The following NEK10 variants were observed in gnomAD, a reference collection of about 807,000 sequenced individuals.
NEK10 encodes the protein NIMA related kinase 10, also known as serine/threonine-protein kinase Nek10.
A neutral mutation model predicts 159.8 loss-of-function variants in NEK10; 122 were observed. The observed-to-expected ratio is 0.76, with a 90% confidence interval of 0.66 to 0.89. The LOEUF is 0.89. NEK10 is among the 40% of genes least tolerant of loss of function. The pLI, the probability that NEK10 is intolerant of heterozygous loss-of-function variation, is 0.00. For missense variants in NEK10, 1,342 were observed against 1,323.1 expected (o/e 1.01, Z -0.22); for synonymous variants, 466 against 457.1 (o/e 1.02, Z -0.25).
At chr3:27,217,046 T>C (rs962761668) in intron 23 of NEK10, among the ~76,000 whole-genome samples, 1 of 152,168 alleles carries the variant, frequency 6.6e-6, no homozygotes, top group African/African-American at 2.4e-5. Context: ...TTATGAGTGA[T>C]AAAGATAAAA....
intron 30 of NEK10, among the ~76,000 whole-genome samples, chr3:27,161,876 G>A (rs543926342): frequency 2.6e-5 from 4 of 151,962 alleles, no homozygotes; most frequent in Admixed American, 1.3e-4. Context: ...ATGGTGGCAG[G>A]CACCTGTAAT....
In NEK10 at chr3:27,307,949, T is replaced by A; in HGVS notation, c.717-4A>T. 2 of 1,400,928 alleles carry A rather than the reference T, an allele frequency of 1.4e-6. No individual in the cohort carries two copies. The highest frequency in any genetic ancestry group is 2.0e-6 in the Non-Finnish European group (2 of 988,726). 86.8% of individuals were successfully genotyped at this position (1,400,928 alleles called of 1,614,324 possible). A position where few individuals can be genotyped will look rare whatever the true frequency, so the allele number is the denominator to read the frequency against. ...TATCTTCTCCCTACATTCTTGACTA[T>A]AAATTGAAAAATATTAGCAATTACT... On this transcript the variant is annotated splice_region_variant and splice_polypyrimidine_tract_variant and intron_variant, in intron 10 of 35. Transcript: ENST00000691995.
At chr3:27,223,574 A>G (rs549850279) in intron 23 of NEK10, among the ~76,000 whole-genome samples, 5 of 152,262 alleles carry the variant, frequency 3.3e-5, no homozygotes, top group African/African-American at 1.2e-4. Context: ...ACTTTCTCAC[A>G]TCGTGTCTGA....
At chr3:27,319,830 G>A (rs2045488732) in intron 6 of NEK10, among the ~76,000 whole-genome samples, 1 of 152,152 alleles carries the variant, frequency 6.6e-6, no homozygotes, top group Admixed American at 6.5e-5. Context: ...GTAAAACAGA[G>A]GATGATATAA....
At chr3:27,257,792 T>C (rs763956909) in intron 22 of NEK10, among the ~76,000 whole-genome samples, 102 of 104,236 alleles carry the variant, frequency 9.8e-4, no homozygotes, top group Non-Finnish European at 1.8e-3. Context: ...TTTTTTCTTT[T>C]TTTTTTTTTT....
intron 30 of NEK10, among the ~76,000 whole-genome samples, chr3:27,160,111 AT>A (rs1014215953): frequency 2.0e-5 from 3 of 152,140 alleles, no homozygotes; most frequent in Non-Finnish European, 2.9e-5. Flanking sequence ...TAATCAGCTT[AT>A]TTTTTTTAAA....
At chr3:27,351,188 A>G (rs930618264) in intron 3 of NEK10, among the ~76,000 whole-genome samples, 2 of 148,222 alleles carry the variant, frequency 1.3e-5, no homozygotes, top group Non-Finnish European at 2.9e-5. Flanking sequence ...TTTATAAGAA[A>G]GAAATTTAGG....
intron 30 of NEK10, among the ~76,000 whole-genome samples, chr3:27,153,984 A>C (rs1215793967): frequency 6.6e-6 from 1 of 152,204 alleles, no homozygotes; most frequent in Non-Finnish European, 1.5e-5. Flanking sequence ...AAATTGAAAC[A>C]AAAAATATAC....
At chr3:27,156,650 C>T (rs866698930) in intron 30 of NEK10, among the ~76,000 whole-genome samples, 1 of 151,730 alleles carries the variant, frequency 6.6e-6, no homozygotes, top group Non-Finnish European at 1.5e-5. Flanking sequence ...AATCAGAAAA[C>T]AGTAGATATT....
At chr3:27,159,010 C>T (rs1945761242) in intron 30 of NEK10, among the ~76,000 whole-genome samples, 1 of 152,064 alleles carries the variant, frequency 6.6e-6, no homozygotes, top group African/African-American at 2.4e-5. Flanking sequence ...GTTTGATTAA[C>T]TGATTTGACT....
intron 5 of NEK10, among the ~76,000 whole-genome samples, chr3:27,333,097 C>T (rs1298121584): frequency 1.3e-5 from 2 of 151,844 alleles, no homozygotes; most frequent in East Asian, 3.9e-4. Context: ...GCAGGCAATA[C>T]CTAAAGTAAA....
chr3:27,107,359 T>A lies in NEK10; in HGVS notation c.*3913A>T, dbSNP rs1939104967. Among the ~76,000 whole-genome samples, 1 of 152,190 alleles carries A rather than the reference T, an allele frequency of 6.6e-6. No homozygotes were observed. The highest frequency in any genetic ancestry group is 6.5e-5 in the Admixed American group (1 of 15,270). On this transcript the variant is annotated 3_prime_UTR_variant, in exon 36 of 36. Transcript: ENST00000691995. ...CATATTTACAATATGCAATTTACTG[T>A]AATGACACACATAAGAATTCCTTTA...
At chr3:27,282,298 A>T (rs2042216911) in intron 22 of NEK10, among the ~76,000 whole-genome samples, 1 of 152,024 alleles carries the variant, frequency 6.6e-6, no homozygotes, top group South Asian at 2.1e-4. Flanking sequence ...TATTTTATAA[A>T]CTATTTTGAT....
chr3:27,218,604 C>CA (rs534568582), intron 23 of NEK10, among the ~76,000 whole-genome samples: 6,431 of 67,270 alleles, frequency 0.096, 475 homozygotes, highest in African/African-American at 0.22. Flanking sequence ...GTCTCCATCT[C>CA]AAAAAAAAAA....
chr3:27,251,912 C>A (rs1158972713), intron 23 of NEK10, among the ~76,000 whole-genome samples: 2 of 152,128 alleles, frequency 1.3e-5, no homozygotes, highest in Non-Finnish European at 2.9e-5. Context: ...ACCCTACCAT[C>A]AAGGTACTTA....
intron 12 of NEK10, 95 bp downstream of exon 12, chr3:27,304,652 G>C: frequency 1.3e-6 from 1 of 760,200 alleles, no homozygotes; most frequent in East Asian, 2.6e-5. Context: ...AAAGCAGGAG[G>C]GAATGAGGTG....
intron 1 of NEK10, among the ~76,000 whole-genome samples, chr3:27,354,169 T>C (rs2048168372): frequency 6.6e-6 from 1 of 152,146 alleles, no homozygotes; most frequent in Non-Finnish European, 1.5e-5. Flanking sequence ...CAGACTATAG[T>C]TTAGAAGCAG....
chr3:27,321,389 G>C (rs1456998445), intron 6 of NEK10, among the ~76,000 whole-genome samples: 2 of 152,152 alleles, frequency 1.3e-5, no homozygotes, highest in African/African-American at 4.8e-5. Flanking sequence ...TAAAAACAGA[G>C]GCCAGGCATG....
chr3:27,295,729 T>G, intron 14 of NEK10, 39 bp from the exon 15 acceptor site: 1 of 1,519,670 alleles, frequency 6.6e-7, no homozygotes. Flanking sequence ...GTGACAACAC[T>G]GTAGTGATAC....
Sources: allele counts gnomAD v4.1 joint callset (sites outside exome capture counted in the v4.1 genomes callset), GRCh38; gene constraint gnomAD v4.1.1; transcripts MANE v1.5; gene names NCBI Gene and HGNC (gene_info 2026-07-23, HGNC 2026-07-21).